NCOA1: variants seen among roughly 807,000 people sequenced by gnomAD.
The protein encoded by NCOA1 is nuclear receptor coactivator 1.
Under a neutral mutation model 150.9 loss-of-function variants are expected in NCOA1, and 35 were observed. That is an observed-to-expected ratio of 0.23 (90% confidence interval 0.18 to 0.31). The LOEUF is 0.31. Ranked by LOEUF, NCOA1 falls within the 10% of genes least tolerant of loss-of-function variation. The pLI, the probability that NCOA1 is intolerant of heterozygous loss-of-function variation, is 1.00. For synonymous variants in NCOA1, 590 were observed against 630.0 expected (o/e 0.94, Z 0.95); for missense variants, 1,491 against 1,749.3 (o/e 0.85, Z 2.63).
At chr2:24,680,574 G>A (rs1371666011) in intron 7 of NCOA1, among the ~76,000 whole-genome samples, 2 of 152,176 alleles carry the variant, frequency 1.3e-5, no homozygotes, top group Non-Finnish European at 2.9e-5. Flanking sequence ...TGCGTGAAGG[G>A]TTGGGGGGAT....
chr2:24,612,669 G>T (rs1369331138), intron 3 of NCOA1, among the ~76,000 whole-genome samples: 2 of 151,618 alleles, frequency 1.3e-5, no homozygotes, highest in Non-Finnish European at 2.9e-5. Flanking sequence ...TCTTCTGCTT[G>T]GTCCAGTCTA....
intron 4 of NCOA1, among the ~76,000 whole-genome samples, 182 bp downstream of exon 4, chr2:24,644,304 T>G (rs1344279532): frequency 6.6e-6 from 1 of 152,182 alleles, no homozygotes; most frequent in Non-Finnish European, 1.5e-5. Context: ...TAGGATACAC[T>G]TTATGAAGCT....
At chr2:24,494,711 C>T (rs1435919309) in intron 1 of NCOA1, among the ~76,000 whole-genome samples, 4 of 152,082 alleles carry the variant, frequency 2.6e-5, no homozygotes, top group South Asian at 2.1e-4. Flanking sequence ...GGTGTGGGCT[C>T]GGGTGAAATC....
intron 1 of NCOA1, among the ~76,000 whole-genome samples, chr2:24,553,224 CT>C (rs1316810810): frequency 2.5e-3 from 343 of 137,766 alleles, no homozygotes; most frequent in Middle Eastern, 3.7e-3. Flanking sequence ...CAAATGCCTT[CT>C]TTTTTTTTTT....
chr2:24,595,980 G>C lies in NCOA1; in HGVS notation c.-175+11420G>C, dbSNP rs181232443. On this transcript the variant is annotated intron_variant, in intron 3 of 22. Transcript: ENST00000348332. ...CTGTCTTTGACAGCATCTGTGTTGA[G>C]GTAGACTTTCAGGAGTGAGATCATG... is the stretch of plus-strand genomic sequence containing the variant. Among the ~76,000 whole-genome samples the C allele has an allele frequency of 7.2e-5, 11 of 152,216 alleles. No homozygotes were observed. In the East Asian group the frequency reaches 2.1e-3, roughly 29 times the overall value.
At chr2:24,550,459 T>G (rs1665780012) in intron 1 of NCOA1, among the ~76,000 whole-genome samples, 1 of 152,046 alleles carries the variant, frequency 6.6e-6, no homozygotes, top group Non-Finnish European at 1.5e-5. Context: ...TGGCAGCAGG[T>G]TGAGAGAGAG....
chr2:24,598,442 C>T (rs1215405552), intron 3 of NCOA1, among the ~76,000 whole-genome samples: 1 of 151,958 alleles, frequency 6.6e-6, no homozygotes, highest in Non-Finnish European at 1.5e-5. Flanking sequence ...TATTACATAA[C>T]ATATAAATTA....
chr2:24,747,904 C>T (rs1056052932), intron 19 of NCOA1, among the ~76,000 whole-genome samples: 2 of 151,336 alleles, frequency 1.3e-5, no homozygotes, highest in South Asian at 2.1e-4. Flanking sequence ...GTCGGAAGTT[C>T]GAGACCAGCC....
chr2:24,628,969 A>C (rs534770684), intron 3 of NCOA1, among the ~76,000 whole-genome samples: 145 of 152,266 alleles, frequency 9.5e-4, no homozygotes, highest in African/African-American at 3.4e-3. Flanking sequence ...GTGTGTGTGC[A>C]GGGGAATAGA....
At chr2:24,512,412 G>C (rs1341177647) in intron 1 of NCOA1, among the ~76,000 whole-genome samples, 2 of 152,210 alleles carry the variant, frequency 1.3e-5, no homozygotes, top group Admixed American at 6.5e-5. Flanking sequence ...ATAATTAAAT[G>C]AGAGCATTAT....
intron 2 of NCOA1, among the ~76,000 whole-genome samples, chr2:24,569,202 C>G (rs968271654): frequency 1.3e-5 from 2 of 152,178 alleles, no homozygotes; most frequent in African/African-American, 2.4e-5. Context: ...AGAGCCACCT[C>G]TTTTCAGAGT....
At chr2:24,704,448 C>T (rs1027509830) in intron 11 of NCOA1, among the ~76,000 whole-genome samples, 1 of 151,968 alleles carries the variant, frequency 6.6e-6, no homozygotes, top group African/African-American at 2.4e-5. Flanking sequence ...TTAATGGAGA[C>T]AATAAATTTG....
At chr2:24,547,878 A>G (rs1474035559) in intron 1 of NCOA1, among the ~76,000 whole-genome samples, 1 of 151,060 alleles carries the variant, frequency 6.6e-6, no homozygotes, top group Non-Finnish European at 1.5e-5. Flanking sequence ...AGTCTCAGCT[A>G]CTCGGGAGAC....
intron 3 of NCOA1, among the ~76,000 whole-genome samples, chr2:24,614,926 T>A (rs56007523): frequency 0.015 from 2,234 of 152,360 alleles, 56 homozygotes; most frequent in African/African-American, 0.051. Flanking sequence ...TCTTGTCATT[T>A]ATTATTCACA....
At chr2:24,525,962 G>A (rs1664636303) in intron 1 of NCOA1, among the ~76,000 whole-genome samples, 1 of 152,292 alleles carries the variant, frequency 6.6e-6, no homozygotes, top group Non-Finnish European at 1.5e-5. Context: ...CCATTTTGGT[G>A]TATCAGGCTT....
Position 24,632,600 on chromosome 2 carries a change from G to A in NCOA1, c.-174-11366G>A, listed in dbSNP as rs990398757. Among the ~76,000 whole-genome samples the A allele has an allele frequency of 3.3e-5, 5 of 152,182 alleles. No homozygotes were observed. In the South Asian group the frequency reaches 1.0e-3, roughly 32 times the overall value. ...ACCCCTGGCCCCCTTCTCCATTATT[G>A]GCTCCCAAATTGAAAACTAGGCCCT... On this transcript the variant is annotated intron_variant, in intron 3 of 22. Coordinates refer to ENST00000348332, the MANE Select transcript of NCOA1 (RefSeq NM_003743.5).
intron 4 of NCOA1, among the ~76,000 whole-genome samples, chr2:24,656,468 C>T (rs933172426): frequency 1.1e-4 from 16 of 152,162 alleles, no homozygotes; most frequent in Admixed American, 7.2e-4. Context: ...TTCATTTCTT[C>T]GCATTGGGAA....
intron 3 of NCOA1, among the ~76,000 whole-genome samples, chr2:24,595,213 TTAAA>T (rs1558822901): frequency 6.6e-6 from 1 of 152,058 alleles, no homozygotes; most frequent in Non-Finnish European, 1.5e-5. Context: ...TGTCTGAAAT[TTAAA>T]ATAAATATAA....
intron 7 of NCOA1, among the ~76,000 whole-genome samples, chr2:24,673,665 A>C (rs992090736): frequency 1.4e-4 from 21 of 152,222 alleles, no homozygotes; most frequent in Non-Finnish European, 2.8e-4. Flanking sequence ...AGAAATTTTC[A>C]TGAAGGCATT....
Sources: allele counts gnomAD v4.1 joint callset (sites outside exome capture counted in the v4.1 genomes callset), GRCh38; gene constraint gnomAD v4.1.1; transcripts MANE v1.5; gene names NCBI Gene and HGNC (gene_info 2026-07-23, HGNC 2026-07-21).